Variants in TM2D2 observed in about 807,000 individuals in gnomAD.
The protein encoded by TM2D2 is TM2 domain containing 2.
In TM2D2, 19 loss-of-function variants were observed where a neutral mutation model predicts 23.0. The ratio of observed to expected loss-of-function variants is 0.82; its 90% CI spans 0.58 to 1.21. TM2D2 has a LOEUF of 1.21. Among genes scored for constraint, TM2D2 ranks in the 50% most tolerant of loss-of-function variants. The pLI, the probability that TM2D2 is intolerant of heterozygous loss-of-function variation, is 0.00. For synonymous variants in TM2D2, 120 were observed against 108.8 expected (o/e 1.10, Z -0.64); for missense variants, 246 against 265.4 (o/e 0.93, Z 0.51).
At chr8:38,996,811 C>T (rs1349982392), upstream of TM2D2, 36 of 1,432,504 alleles carry the variant, frequency 2.5e-5, no homozygotes, top group South Asian at 4.4e-5. Context: ...TTGCCACCGC[C>T]GGTTTAGAAA....
chr8:38,989,863 T>C lies in TM2D2; in HGVS notation c.*1469A>G, dbSNP rs1835553508. On this transcript the variant is annotated 3_prime_UTR_variant, in exon 4 of 4. Transcript: ENST00000456397. ...TTATAGGGTACCAGTACAATTTTATTTCATGCATAAATTGTGTAGATGAAC... is the reference window on the plus strand; with the variant it reads ...TTATAGGGTACCAGTACAATTTTATCTCATGCATAAATTGTGTAGATGAAC... The C allele has an allele frequency of 6.6e-6, 1 of 152,198 alleles. No individual in the cohort carries two copies. Among genetic ancestry groups the C allele is most frequent in the African/African-American group, 2.4e-5 (1 of 41,456 alleles). The allele number at this position is 152,198 out of a possible 1,614,324, so 9.4% of individuals were successfully genotyped here.
chr8:38,992,615 C>G (rs574863261), intron 3 of TM2D2, among the ~76,000 whole-genome samples: 13 of 152,182 alleles, frequency 8.5e-5, no homozygotes, highest in African/African-American at 3.1e-4. Context: ...TCTCTAAGAA[C>G]AAATACTGAC....
Position 38,991,317 on chromosome 8 carries a change from T to A in TM2D2, c.*15A>T, listed in dbSNP as rs776265492. ...AGCTTTCACCCGCCTCCCTGGGCCA[T>A]GATGGCAGCTCTTCTTAGTAAACAG... is the stretch of plus-strand genomic sequence containing the variant. On this transcript the variant is annotated 3_prime_UTR_variant, in exon 4 of 4. Transcript: ENST00000456397. 1 of 1,610,798 alleles carries A rather than the reference T, an allele frequency of 6.2e-7. No individual in the cohort carries two copies. Among genetic ancestry groups the A allele is most frequent in the Non-Finnish European group, 8.5e-7 (1 of 1,177,640 alleles).
chr8:38,991,635 G>A, intron 3 of TM2D2, 90 bp from the exon 4 acceptor site: 3 of 958,574 alleles, frequency 3.1e-6, no homozygotes, highest in East Asian at 2.6e-5. Context: ...TGATGAGACA[G>A]TGCAGTGGAC....
Position 38,988,839 on chromosome 8 carries a change from C to G in TM2D2, c.*2493G>C, listed in dbSNP as rs556337394. 18 of 152,198 alleles carry G rather than the reference C, an allele frequency of 1.2e-4. No individual in the cohort carries two copies. The highest frequency in any genetic ancestry group is 3.6e-4 in the African/African-American group (15 of 41,524). 9.4% of individuals were successfully genotyped at this position (152,198 alleles called of 1,614,324 possible). On this transcript the variant is annotated 3_prime_UTR_variant, in exon 4 of 4. Transcript: ENST00000456397. ...GGAACTGATAACATTTTATTAAAGGCAAGAAACAACTAAAAGGCAGGCAGC... is the reference window on the plus strand; with the variant it reads ...GGAACTGATAACATTTTATTAAAGGGAAGAAACAACTAAAAGGCAGGCAGC...
rs1455452133 is a variant in TM2D2 at position 38,991,179 on chromosome 8, A to C, written c.*153T>G. ...AGGTAAAATCTGGGTTGAAATTCCA[A>C]AGTCCAAAGAAGCCTTCTTAACCAA... On this transcript the variant is annotated 3_prime_UTR_variant, in exon 4 of 4. Coordinates refer to ENST00000456397, the MANE Select transcript of TM2D2 (RefSeq NM_078473.3). 2 of 677,898 alleles carry C rather than the reference A, an allele frequency of 3.0e-6. No individual in the cohort carries two copies. Among genetic ancestry groups the C allele is most frequent in the African/African-American group, 3.6e-5 (2 of 55,088 alleles). 42.0% of individuals were successfully genotyped at this position (677,898 alleles called of 1,614,324 possible). A position where few individuals can be genotyped will look rare whatever the true frequency, so the allele number is the denominator to read the frequency against.
rs906236180 is a variant in TM2D2 at position 38,993,419 on chromosome 8, G to A, written c.431+126C>T. On this transcript the variant is annotated intron_variant, in intron 3 of 3. Transcript: ENST00000456397. Reference sequence around the variant, plus strand: ...TGCGATAAGCCATGATTGCACCACTGCACTCCAGCCTGGGTAACAGAGTGA... The same window carrying A: ...TGCGATAAGCCATGATTGCACCACTACACTCCAGCCTGGGTAACAGAGTGA... 1.2e-5 allele frequency: 7 copies of A among 595,328 alleles called. No individual in the cohort carries two copies. In the Admixed American group the frequency reaches 2.1e-4, roughly 18 times the overall value. The allele number at this position is 595,328 out of a possible 1,614,324, so 36.9% of individuals were successfully genotyped here. A position where few individuals can be genotyped will look rare whatever the true frequency, so the allele number is the denominator to read the frequency against.
chr8:38,995,171 C>G, intron 2 of TM2D2, 147 bp downstream of exon 2: 1 of 622,330 alleles, frequency 1.6e-6, no homozygotes, highest in South Asian at 2.1e-5. Context: ...AGTCACTGAC[C>G]CTGGCCATAC....
intron 2 of TM2D2, among the ~76,000 whole-genome samples, chr8:38,994,818 G>A (rs1835705523): frequency 1.3e-5 from 2 of 152,162 alleles, no homozygotes; most frequent in Admixed American, 6.5e-5. Context: ...CCGCTGGAAC[G>A]CTTTAATGTC....
chr8:38,993,291 TATCAAAA>T (rs1835656782), intron 3 of TM2D2, among the ~76,000 whole-genome samples: 2 of 152,074 alleles, frequency 1.3e-5, no homozygotes, highest in African/African-American at 4.8e-5. Flanking sequence ...AAAAAAGTCA[TATCAAAA>T]AATAACAATG....
rs1296975068 is a variant in TM2D2, at chr8:38,996,340, G to A, written c.100C>T (p.His34Tyr). ...LLLLHCVSRS[H>Y]SQNATAEPEL... ...GGCTCAGCGGTCGCATTTTGCGAGT[G>A]GCTCCGAGACACACAATGCAGCAGA... The change falls in exon 1 of 4, where the codon CAC becomes TAC. Residue 34 changes from histidine to tyrosine, a missense_variant. By Grantham distance (83) the His-to-Tyr change is moderately conservative (BLOSUM62 2). Transcript: ENST00000456397. The A allele has an allele frequency of 1.9e-6, 3 of 1,614,200 alleles. No homozygotes were observed. Among genetic ancestry groups the A allele is most frequent in the Admixed American group, 1.7e-5 (1 of 60,032 alleles).
intron 2 of TM2D2, chr8:38,995,034 G>C (rs1217138757): frequency 1.2e-5 from 4 of 328,140 alleles, no homozygotes; most frequent in Non-Finnish European, 2.2e-5. Context: ...TTGAAGGAGA[G>C]TCAGGGGTGA....
Position 38,996,274 on chromosome 8 carries a change from C to CG in TM2D2, c.165dup (p.Gly56ArgfsTer23). The CG allele has an allele frequency of 1.9e-6, 3 of 1,614,038 alleles. No individual in the cohort carries two copies. The highest frequency in any genetic ancestry group is 2.5e-6 in the Non-Finnish European group (3 of 1,179,994). ...CCATATTCCCAGCTCGCAGCACCCC[C>CG]GGGGCCCTCCGGCTGGGCGGCGCCA... On this transcript the variant is annotated frameshift_variant, in exon 1 of 4. Transcript: ENST00000456397. LOFTEE classifies it high-confidence loss of function.
intron 2 of TM2D2, among the ~76,000 whole-genome samples, chr8:38,994,809 C>A (rs529452517): frequency 1.3e-5 from 2 of 152,242 alleles, no homozygotes; most frequent in African/African-American, 2.4e-5. Flanking sequence ...CAATGGCTTC[C>A]GCTGGAACGC....
intron 3 of TM2D2, 97 bp from the exon 4 acceptor site, chr8:38,991,642 GGACCCTCT>G (rs766170708): frequency 4.4e-6 from 4 of 911,956 alleles, no homozygotes; most frequent in Non-Finnish European, 7.0e-6. Flanking sequence ...ACAGTGCAGT[GGACCCTCT>G]GTGGCCTTTT....
chr8:38,990,085 T>C lies in TM2D2; in HGVS notation c.*1247A>G, dbSNP rs1167234294. On this transcript the variant is annotated 3_prime_UTR_variant, in exon 4 of 4. Coordinates refer to ENST00000456397, the MANE Select transcript of TM2D2 (RefSeq NM_078473.3). ...TCAAGACAGAATAGGATCATCTGTT[T>C]TAAATTTTTTACAGAAAATTGCCAC... The C allele has an allele frequency of 6.6e-6, 1 of 152,248 alleles. No individual in the cohort carries two copies. The highest frequency in any genetic ancestry group is 6.5e-5 in the Admixed American group (1 of 15,284). 9.4% of individuals were successfully genotyped at this position (152,248 alleles called of 1,614,324 possible). A position where few individuals can be genotyped will look rare whatever the true frequency, so the allele number is the denominator to read the frequency against.
intron 1 of TM2D2, 36 bp downstream of exon 1, chr8:38,996,177 C>T (rs1393076492): frequency 6.3e-7 from 1 of 1,598,054 alleles, no homozygotes; most frequent in Non-Finnish European, 8.6e-7. Flanking sequence ...CTGGCACACC[C>T]TCCACGTCCA....
intron 3 of TM2D2, among the ~76,000 whole-genome samples, chr8:38,992,449 A>G (rs1835630917): frequency 6.6e-6 from 1 of 151,102 alleles, no homozygotes; most frequent in South Asian, 2.1e-4. Context: ...TTGTGCCATT[A>G]CACTCCAGCC....
chr8:38,994,809 C>T (rs529452517), intron 2 of TM2D2, among the ~76,000 whole-genome samples: 1 of 152,124 alleles, frequency 6.6e-6, no homozygotes, highest in African/African-American at 2.4e-5. Flanking sequence ...CAATGGCTTC[C>T]GCTGGAACGC....
Sources: allele counts gnomAD v4.1 joint callset (sites outside exome capture counted in the v4.1 genomes callset), GRCh38; gene constraint gnomAD v4.1.1; transcripts MANE v1.5; gene names NCBI Gene and HGNC (gene_info 2026-07-23, HGNC 2026-07-21).